ZNF490: variants seen among roughly 807,000 people sequenced by gnomAD.
ZNF490 encodes the protein zinc finger protein 490.
ZNF490 carries 11 observed loss-of-function variants against 17.7 expected under a neutral mutation model. The observed-to-expected ratio is 0.62, with a 90% CI of 0.39 to 1.03. The LOEUF (loss-of-function observed/expected upper bound fraction) is 1.03. ZNF490 is among the 50% of genes least tolerant of loss of function. The pLI is 0.00. For missense variants in ZNF490, 542 were observed against 643.4 expected (o/e 0.84, Z 1.71); for synonymous variants, 222 against 216.1 (o/e 1.03, Z -0.24).
At chr19:12,590,076 C>T (rs1379788563) in intron 2 of ZNF490, among the ~76,000 whole-genome samples, 3 of 151,116 alleles carry the variant, frequency 2.0e-5, no homozygotes, top group Non-Finnish European at 2.9e-5. Flanking sequence ...CACCACGCCC[C>T]GCTAATTTTT....
Position 12,578,046 on chromosome 19 carries a change from C to A in ZNF490, c.*2439G>T, listed in dbSNP as rs142245534. ...TTCCATGGCTTGTGAACCCTGACAC[C>A]AGCACCTCCCATACACAACAGAGCT... On this transcript the variant is annotated 3_prime_UTR_variant, in exon 5 of 5. Coordinates refer to ENST00000311437, the MANE Select transcript of ZNF490 (RefSeq NM_020714.3). The A allele has an allele frequency of 4.0e-5, 39 of 985,418 alleles. No individual in the cohort carries two copies. In the East Asian group the frequency reaches 3.4e-3, roughly 86 times the overall value. The allele number at this position is 985,418 out of a possible 1,614,324, so 61.0% of individuals were successfully genotyped here.
chr19:12,593,184 G>A (rs749389684), intron 2 of ZNF490, among the ~76,000 whole-genome samples: 1 of 151,992 alleles, frequency 6.6e-6, no homozygotes, highest in Non-Finnish European at 1.5e-5. Context: ...CTGTAGAGGT[G>A]TGTATTATCT....
In ZNF490 at chr19:12,578,373, C is replaced by A. The variant is rs1010167416; in HGVS notation, c.*2112G>T. On this transcript the variant is annotated 3_prime_UTR_variant, in exon 5 of 5. Transcript: ENST00000311437. ...TGGTGGTTGGTGCAGGGCTGGTAAC[C>A]GCAGGAGAGTGGATGCTGTGTGGTC... is the stretch of plus-strand genomic sequence containing the variant. The A allele has an allele frequency of 2.0e-6, 2 of 985,526 alleles. No homozygotes were observed. Among genetic ancestry groups the A allele is most frequent in the Middle Eastern group, 5.2e-4 (1 of 1,916 alleles). 61.0% of individuals were successfully genotyped at this position (985,526 alleles called of 1,614,324 possible). A position where few individuals can be genotyped will look rare whatever the true frequency, so the allele number is the denominator to read the frequency against.
In ZNF490 at chr19:12,583,565, TC is replaced by T; in HGVS notation, c.163-10del. Reference sequence around the variant, plus strand: ...TCAAGGGAGATGGAGTCCTAAAACATCCCCCATGTGTGTTTAGGAGGAGGAG... The same window carrying T: ...TCAAGGGAGATGGAGTCCTAAAACATCCCCATGTGTGTTTAGGAGGAGGAG... On this transcript the variant is annotated splice_polypyrimidine_tract_variant and intron_variant, in intron 2 of 4. Transcript: ENST00000311437. The T allele has an allele frequency of 6.3e-7, 1 of 1,584,904 alleles. No individual in the cohort carries two copies. The highest frequency in any genetic ancestry group is 8.6e-7 in the Non-Finnish European group (1 of 1,161,942).
chr19:12,608,740 G>A (rs2023103321), intron 2 of ZNF490, among the ~76,000 whole-genome samples: 2 of 152,084 alleles, frequency 1.3e-5, no homozygotes, highest in Admixed American at 1.3e-4. Flanking sequence ...CTCCCAAAGT[G>A]CTGAGATTAC....
rs59612032 is a variant in ZNF490, at chr19:12,581,514, G to A, written c.561C>T (p.His187=). ...ATTTATGTGGCTTCTCTCCATATTC[G>A]TGACACTCATTTGGTTTCTGTTCAG... is the stretch of plus-strand genomic sequence containing the variant. ...SHTEQKPNEC[H]EYGEKPHKCK... The change falls in exon 5 of 5, where the codon CAC becomes CAT. Residue 187 remains histidine (H), a synonymous_variant. Transcript: ENST00000311437. 744 of 1,614,046 alleles carry A rather than the reference G, an allele frequency of 4.6e-4. 3 individuals carry two copies. The African/African-American group carries it at 5.7e-3, about 12-fold the overall frequency.
chr19:12,580,854 C>T lies in ZNF490; in HGVS notation c.1221G>A (p.Leu407=). ...TCTCGCCAGTGTGAACTCTTTCGTG[C>T]AACTGAAGGTAACTTGAAGAATTGA... ...KAFNSSSYLQ[L]HERVHTGEKT... is the part of the protein sequence containing the mutation. The change falls in exon 5 of 5, where the codon TTG becomes TTA. Residue 407 remains leucine, a synonymous_variant. Coordinates refer to ENST00000311437, the MANE Select transcript of ZNF490 (RefSeq NM_020714.3). 6.2e-7 allele frequency: 1 copy of T among 1,614,042 alleles called. No homozygotes were observed. Among genetic ancestry groups the T allele is most frequent in the Non-Finnish European group, 8.5e-7 (1 of 1,179,972 alleles).
rs1019647968 is a variant in ZNF490 at position 12,610,393 on chromosome 19, G to A, written c.117+171C>T. On this transcript the variant is annotated intron_variant, in intron 1 of 4. Transcript: ENST00000311437. Reference sequence around the variant, plus strand: ...TGCCTTGGGGTTCCTTTTCTAAAGTGCCAAATGTGTGGAGGTGGGGAAAAG... The same window carrying A: ...TGCCTTGGGGTTCCTTTTCTAAAGTACCAAATGTGTGGAGGTGGGGAAAAG... 7.3e-5 allele frequency among the ~76,000 whole-genome samples: 11 copies of A among 150,902 alleles called. No individual in the cohort carries two copies. In the Admixed American group the frequency reaches 7.4e-4, roughly 10 times the overall value.
At chr19:12,589,439 C>G (rs1442113554) in intron 2 of ZNF490, among the ~76,000 whole-genome samples, 1 of 151,976 alleles carries the variant, frequency 6.6e-6, no homozygotes, top group African/African-American at 2.4e-5. Flanking sequence ...AATGTCTCCT[C>G]AAGCTAGCTA....
chr19:12,601,996 CA>C (rs1193404154), intron 2 of ZNF490, among the ~76,000 whole-genome samples: 9 of 121,460 alleles, frequency 7.4e-5, no homozygotes, highest in South Asian at 2.7e-4. Context: ...TCTGACTCAA[CA>C]AAAAAAAAAG....
At chr19:12,607,883 C>T (rs1341488034) in intron 2 of ZNF490, among the ~76,000 whole-genome samples, 2 of 152,116 alleles carry the variant, frequency 1.3e-5, no homozygotes, top group African/African-American at 4.8e-5. Flanking sequence ...TGAAAAATAC[C>T]AGCATGCTGA....
At chr19:12,598,634 C>T (rs1045032421) in intron 2 of ZNF490, among the ~76,000 whole-genome samples, 1 of 151,504 alleles carries the variant, frequency 6.6e-6, no homozygotes, top group African/African-American at 2.4e-5. Context: ...GCCTCGGCCT[C>T]CCAAAGTGCT....
chr19:12,589,812 T>C (rs988738047), intron 2 of ZNF490, among the ~76,000 whole-genome samples: 1 of 152,168 alleles, frequency 6.6e-6, no homozygotes, highest in Non-Finnish European at 1.5e-5. Context: ...AAAAACTAGA[T>C]GTTTTCCCAG....
Position 12,582,917 on chromosome 19 carries a change from T to C in ZNF490, c.290-7A>G, listed in dbSNP as rs375932825. 1.9e-4 allele frequency: 299 copies of C among 1,608,936 alleles called. No homozygotes were observed. The highest frequency in any genetic ancestry group is 2.5e-4 in the Non-Finnish European group (291 of 1,177,088). On this transcript the variant is annotated splice_region_variant and splice_polypyrimidine_tract_variant and intron_variant, in intron 3 of 4. Coordinates refer to ENST00000311437, the MANE Select transcript of ZNF490 (RefSeq NM_020714.3). ...TGGTCTTTCCATTTTTCCCCTAAAA[T>C]ACAAGCCCAGAGAACTCACAATAAA...
chr19:12,577,983 G>A lies in ZNF490; in HGVS notation c.*2502C>T. 1.0e-6 allele frequency: 1 copy of A among 985,510 alleles called. No homozygotes were observed. The highest frequency in any genetic ancestry group is 1.2e-6 in the Non-Finnish European group (1 of 829,974). 61.0% of individuals were successfully genotyped at this position (985,510 alleles called of 1,614,324 possible). ...GGCTCCAGCAAGCAGTTTATTGGGA[G>A]TTGAGTTCACCTTGCCTTGTGATGT... is the stretch of plus-strand genomic sequence containing the variant. On this transcript the variant is annotated 3_prime_UTR_variant, in exon 5 of 5. Transcript: ENST00000311437.
intron 2 of ZNF490, chr19:12,597,043 T>A (rs2022942665): frequency 2.2e-6 from 1 of 450,008 alleles, no homozygotes; most frequent in Admixed American, 2.4e-5. Context: ...CCCACGCTGC[T>A]GGGAGACCCT....
At chr19:12,608,400 C>T (rs971444095) in intron 2 of ZNF490, among the ~76,000 whole-genome samples, 2 of 152,220 alleles carry the variant, frequency 1.3e-5, no homozygotes, top group South Asian at 2.1e-4. Flanking sequence ...CTCAGCCTCC[C>T]GAGGACCTGG....
At position 12,580,617 on chromosome 19, in the gene ZNF490, T is replaced by G. The variant is rs569152894; in HGVS notation, c.1458A>C (p.Leu486Phe). 1 of 1,614,202 alleles carries G rather than the reference T, an allele frequency of 6.2e-7. No homozygotes were observed. The highest frequency in any genetic ancestry group is 1.3e-5 in the African/African-American group (1 of 75,054). Residue 486 changes from leucine to phenylalanine, a missense_variant, in exon 5 of 5, where the codon TTA (leucine) becomes TTC (phenylalanine). Physicochemically the swap from Leu to Phe is conservative, Grantham distance 22. Transcript: ENST00000311437. ...CKQCGKAFTC[L>F]NSLKVHKRIH... Reference sequence around the variant, plus strand: ...TTCTTTTGTGTACTTTCAGGGAATTTAAACAAGTGAAAGCTTTGCCACACT... The same window carrying G: ...TTCTTTTGTGTACTTTCAGGGAATTGAAACAAGTGAAAGCTTTGCCACACT...
In ZNF490 at chr19:12,580,817, A is replaced by T. The variant is rs775611926; in HGVS notation, c.1258T>A (p.Cys420Ser). 3 of 1,614,156 alleles carry T rather than the reference A, an allele frequency of 1.9e-6. No homozygotes were observed. The highest frequency in any genetic ancestry group is 2.5e-6 in the Non-Finnish European group (3 of 1,180,018). Reference sequence around the variant, plus strand: ...AGAAAGGCTTTACCACATTCTTTACATTCGTAAGTTTTCTCGCCAGTGTGA... The same window carrying T: ...AGAAAGGCTTTACCACATTCTTTACTTTCGTAAGTTTTCTCGCCAGTGTGA... ...RVHTGEKTYE[C>S]KECGKAFLYS... Residue 420 changes from cysteine (C) to serine (S), a missense_variant, in exon 5 of 5, where the codon TGT (cysteine) becomes AGT (serine). Physicochemically the swap from Cys to Ser is moderately radical, Grantham distance 112. Transcript: ENST00000311437.
Sources: gnomAD v4.1 joint callset for allele counts (sites outside exome capture counted in the v4.1 genomes callset) on GRCh38, gnomAD v4.1.1 for gene constraint, MANE v1.5 for transcripts, NCBI Gene and HGNC (gene_info 2026-07-23, HGNC 2026-07-21) for gene names.